Variants in RANBP2 observed in about 807,000 individuals in gnomAD.
The protein encoded by RANBP2 is E3 SUMO-protein ligase RanBP2.
A neutral mutation model predicts 303.6 loss-of-function variants in RANBP2; 57 were observed. That is an observed-to-expected ratio of 0.19 (90% CI 0.15 to 0.23). The LOEUF is 0.23. RANBP2 is among the 10% of genes least tolerant of loss of function. The pLI is 1.00. For synonymous variants in RANBP2, 1,167 were observed against 1,301.5 expected, an observed-to-expected ratio of 0.90 and a Z score of 2.23; for missense variants, 3,138 against 3,780.8, an observed-to-expected ratio of 0.83 and a Z score of 4.46.
the RANBP2 span, among the ~76,000 whole-genome samples, chr2:109,457,744 T>A: frequency 2.6e-5 from 4 of 152,220 alleles, no homozygotes; most frequent in Admixed American, 2.0e-4. Context: ...TTCAAAGACA[T>A]GGGATTTTTT....
the RANBP2 span, chr2:109,546,344 C>T: frequency 1.7e-6 from 1 of 590,806 alleles, no homozygotes; most frequent in Non-Finnish European, 2.7e-6. Flanking sequence ...ACAGAATAAC[C>T]TACACAGTCA....
At position 108,784,031 on chromosome 2, in the gene RANBP2, T is replaced by G; in HGVS notation, c.*130T>G. The G allele has an allele frequency of 1.1e-6, 1 of 883,446 alleles. No individual in the cohort carries two copies. Among genetic ancestry groups the G allele is most frequent in the African/African-American group, 1.7e-5 (1 of 59,390 alleles). The allele number at this position is 883,446 out of a possible 1,614,324, so 54.7% of individuals were successfully genotyped here. A position where few individuals can be genotyped will look rare whatever the true frequency, so the allele number is the denominator to read the frequency against. The stretch of plus-strand genomic sequence containing the variant: ...GATTTACAAATGTAAAATTGCAGCT[T>G]ATAGCTGTTGTCACTTTTTAATGTG... On this transcript the variant is annotated 3_prime_UTR_variant, in exon 29 of 29. Transcript: ENST00000283195.
chr2:109,616,249 A>G, the RANBP2 span: 3 of 967,176 alleles, frequency 3.1e-6, no homozygotes, highest in Non-Finnish European at 4.2e-6. Flanking sequence ...TCTTTTTCAG[A>G]GATTCATCAT....
chr2:108,984,143 G>C, the RANBP2 span, among the ~76,000 whole-genome samples: 1 of 152,068 alleles, frequency 6.6e-6, no homozygotes. Flanking sequence ...ATGTGTTAAC[G>C]GCCAAGGGAG....
the RANBP2 span, among the ~76,000 whole-genome samples, chr2:109,213,321 C>T: frequency 7.9e-5 from 12 of 152,166 alleles, no homozygotes; most frequent in African/African-American, 1.9e-4. Flanking sequence ...GCTATGTGTA[C>T]GCCAAACGCA....
the RANBP2 span, among the ~76,000 whole-genome samples, chr2:109,384,798 G>C: frequency 6.6e-6 from 1 of 152,296 alleles, no homozygotes; most frequent in East Asian, 1.9e-4. Context: ...AGGGTCTTGG[G>C]CCCCTGGGGA....
the RANBP2 span, among the ~76,000 whole-genome samples, chr2:109,482,798 C>T: frequency 0.014 from 2,072 of 152,310 alleles, 46 homozygotes; most frequent in African/African-American, 0.046. Flanking sequence ...GAGAGCAACA[C>T]GATGCGGCGG....
At chr2:108,868,411 T>C in the RANBP2 span, among the ~76,000 whole-genome samples, 1 of 152,214 alleles carries the variant, frequency 6.6e-6, no homozygotes, top group East Asian at 1.9e-4. Flanking sequence ...ATGTAAAATA[T>C]TGTGACTCAA....
At chr2:109,715,193 C>T in the RANBP2 span, among the ~76,000 whole-genome samples, 1 of 152,022 alleles carries the variant, frequency 6.6e-6, no homozygotes, top group Admixed American at 6.6e-5. Context: ...TCTCGAACTC[C>T]TGACCTGAGG....
the RANBP2 span, among the ~76,000 whole-genome samples, chr2:109,107,271 C>T: frequency 1.3e-5 from 2 of 149,892 alleles, no homozygotes; most frequent in Non-Finnish European, 3.0e-5. Flanking sequence ...TTTAAAAGAA[C>T]GCTGGAGACC....
chr2:108,782,236 G>T lies in RANBP2; in HGVS notation c.8869G>T (p.Asp2957Tyr). The T allele has an allele frequency of 6.2e-7, 1 of 1,614,152 alleles. No individual in the cohort carries two copies. The highest frequency in any genetic ancestry group is 8.5e-7 in the Non-Finnish European group (1 of 1,180,022). Residue 2957 changes from aspartate (D) to tyrosine (Y), a missense_variant, in exon 27 of 29, where the codon GAT (aspartate) becomes TAT (tyrosine). Physicochemically the swap from Asp to Tyr is radical, Grantham distance 160. Around this residue, in one of 20 missense-constraint regions of RANBP2, gnomAD observed 68 missense variants for 117.4 expected, o/e 0.58. Transcript: ENST00000283195. ...VSQWKERGVG[D>Y]IKILWHTMKN... ...TCAGTGGAAGGAGCGCGGTGTTGGA[G>T]ATATAAAGATTCTTTGGCATACAAT...
intron 1 of RANBP2, among the ~76,000 whole-genome samples, chr2:108,724,262 A>G (rs1379551337): frequency 3.9e-5 from 6 of 152,156 alleles, no homozygotes; most frequent in Non-Finnish European, 8.8e-5. Flanking sequence ...TCCCGGGTTC[A>G]AGCGATTCTC....
chr2:109,438,446 G>C, the RANBP2 span, among the ~76,000 whole-genome samples: 1 of 152,138 alleles, frequency 6.6e-6, no homozygotes, highest in South Asian at 2.1e-4. Flanking sequence ...TCAAGCAGTG[G>C]GTAATTTAGC....
the RANBP2 span, among the ~76,000 whole-genome samples, chr2:109,410,386 G>A: frequency 1.9e-4 from 29 of 152,332 alleles, no homozygotes; most frequent in Middle Eastern, 0.01. Flanking sequence ...CAGTCAGACT[G>A]AGCTCCAGCC....
chr2:109,114,348 G>C, the RANBP2 span, among the ~76,000 whole-genome samples: 1 of 152,126 alleles, frequency 6.6e-6, no homozygotes, highest in African/African-American at 2.4e-5. Flanking sequence ...ACTTCTTTCT[G>C]GTTTAGTCTT....
the RANBP2 span, among the ~76,000 whole-genome samples, chr2:109,571,648 G>C: frequency 6.6e-6 from 1 of 152,186 alleles, no homozygotes; most frequent in African/African-American, 2.4e-5. Context: ...CTAAAATGTA[G>C]TTTTGCACTG....
At chr2:109,703,238 G>A in the RANBP2 span, among the ~76,000 whole-genome samples, 3 of 152,200 alleles carry the variant, frequency 2.0e-5, no homozygotes, top group East Asian at 1.9e-4. Context: ...ACTGAGATTC[G>A]CCCGCTGTTG....
the RANBP2 span, among the ~76,000 whole-genome samples, chr2:109,684,855 T>C: frequency 6.6e-6 from 1 of 150,472 alleles, no homozygotes; most frequent in African/African-American, 2.4e-5. Context: ...TTTTTAATAT[T>C]AAATTAAATT....
the RANBP2 span, among the ~76,000 whole-genome samples, chr2:109,561,895 C>T: frequency 2.6e-4 from 40 of 151,974 alleles, no homozygotes; most frequent in Non-Finnish European, 5.9e-4. Context: ...CACTGTAATC[C>T]CATCACTTCA....
Sources: allele counts gnomAD v4.1 joint callset (sites outside exome capture counted in the v4.1 genomes callset), GRCh38; gene constraint gnomAD v4.1.1; regional missense constraint gnomAD v4.1.1; transcripts MANE v1.5; gene names NCBI Gene and HGNC (gene_info 2026-07-23, HGNC 2026-07-21).